Variants in RPRD2 observed in about 807,000 individuals in gnomAD.
RPRD2 encodes regulation of nuclear pre-mRNA domain containing 2, also known as regulation of nuclear pre-mRNA domain-containing protein 2.
RPRD2 carries 12 observed loss-of-function variants against 104.4 expected under a neutral mutation model. That is an observed-to-expected ratio of 0.11 (90% CI 0.07 to 0.19). The LOEUF is 0.19. RPRD2 is among the 10% of genes least tolerant of loss of function. The pLI is 1.00. For synonymous variants in RPRD2, 714 were observed against 684.9 expected, an observed-to-expected ratio of 1.04 and a Z score of -0.66; for missense variants, 1,543 against 1,790.1, an observed-to-expected ratio of 0.86 and a Z score of 2.49.
At chr1:150,449,178 T>C (rs73019017) in intron 7 of RPRD2, among the ~76,000 whole-genome samples, 7,216 of 152,280 alleles carry the variant, frequency 0.047, 433 homozygotes, top group African/African-American at 0.13. Flanking sequence ...CAACCCCGAA[T>C]TGGCTAATGG....
chr1:150,395,801 G>T (rs1212699171), intron 1 of RPRD2, among the ~76,000 whole-genome samples: 1 of 152,132 alleles, frequency 6.6e-6, no homozygotes, highest in Non-Finnish European at 1.5e-5. Context: ...GAGCCACCGC[G>T]TCCGGCCGCA....
At position 150,453,788 on chromosome 1, in the gene RPRD2, A is replaced by C. The variant is rs1667350471; in HGVS notation, c.871-3500A>C. ...CTGCTAATTTTTTATCGAATGCTGA[A>C]CATTAAAAGATTATGGAGTCTCTGG... On this transcript the variant is annotated intron_variant, in intron 7 of 10. Coordinates refer to ENST00000369068, the MANE Select transcript of RPRD2 (RefSeq NM_015203.5). Among the ~76,000 whole-genome samples, 4 of 152,194 alleles carry C rather than the reference A, an allele frequency of 2.6e-5. No individual in the cohort carries two copies. In the South Asian group the frequency reaches 8.3e-4, roughly 31 times the overall value.
Position 150,387,566 on chromosome 1 carries a change from C to CTTT in RPRD2, c.205+22647_205+22648insTTT, listed in dbSNP as rs1661661325. Among the ~76,000 whole-genome samples the CTTT allele has an allele frequency of 3.0e-4, 21 of 70,116 alleles. 1 individual carries two copies. The highest frequency in any genetic ancestry group is 4.1e-4 in the Non-Finnish European group (14 of 34,170). The allele number at this position is 70,116 out of a possible 152,430, so 46.0% of individuals were successfully genotyped here. On this transcript the variant is annotated intron_variant, in intron 1 of 10. Coordinates refer to ENST00000369068, the MANE Select transcript of RPRD2 (RefSeq NM_015203.5). ...TAAATCTTACAGAAGTTGCAACAGA[C>CTTT]CTTTTTTTTTTTTTTTTTTTTTTTT...
At chr1:150,432,015 G>A (rs1466457854) in intron 2 of RPRD2, among the ~76,000 whole-genome samples, 1 of 151,900 alleles carries the variant, frequency 6.6e-6, no homozygotes, top group Non-Finnish European at 1.5e-5. Context: ...ATAAAGTTTT[G>A]GAGTTTGGTT....
chr1:150,447,396 G>A (rs1210166109), intron 7 of RPRD2, among the ~76,000 whole-genome samples: 12 of 149,508 alleles, frequency 8.0e-5, no homozygotes, highest in African/African-American at 2.2e-4. Context: ...GTGTAATGGC[G>A]TGATCTCGGC....
In RPRD2 at chr1:150,472,874, C is replaced by A; in HGVS notation, c.3926C>A (p.Ala1309Asp). The A allele has an allele frequency of 6.2e-7, 1 of 1,612,968 alleles. No homozygotes were observed. Among genetic ancestry groups the A allele is most frequent in the Non-Finnish European group, 8.5e-7 (1 of 1,179,372 alleles). Residue 1309 changes from alanine to aspartate, a missense_variant, in exon 11 of 11, where the codon GCC becomes GAC. Coordinates refer to ENST00000369068, the MANE Select transcript of RPRD2 (RefSeq NM_015203.5). ...VDHSGVVPFP[A>D]PPLAEHGVAG... ...CACTCTGGAGTTGTACCCTTCCCAG[C>A]CCCACCACTGGCAGAGCACGGAGTG...
chr1:150,383,883 T>C (rs782747313), intron 1 of RPRD2, among the ~76,000 whole-genome samples: 23 of 152,110 alleles, frequency 1.5e-4, no homozygotes, highest in Non-Finnish European at 3.2e-4. Context: ...AACTGACAAA[T>C]GTGATAAGAT....
chr1:150,375,631 TAATA>T (rs1660628261), intron 1 of RPRD2, among the ~76,000 whole-genome samples: 1 of 152,212 alleles, frequency 6.6e-6, no homozygotes. Flanking sequence ...TTTCTTAAAC[TAATA>T]AATAATAGTT....
intron 1 of RPRD2, among the ~76,000 whole-genome samples, chr1:150,403,158 C>G (rs782782783): frequency 9.9e-5 from 15 of 152,184 alleles, no homozygotes; most frequent in Admixed American, 2.6e-4. Context: ...CCTTCACCTT[C>G]TTTCTCTACA....
At chr1:150,429,844 C>T (rs781986050) in intron 2 of RPRD2, among the ~76,000 whole-genome samples, 1 of 152,190 alleles carries the variant, frequency 6.6e-6, no homozygotes, top group Non-Finnish European at 1.5e-5. Context: ...AAAATAACTA[C>T]ATCCTTGACA....
chr1:150,448,146 A>G (rs1208860465), intron 7 of RPRD2, among the ~76,000 whole-genome samples: 3 of 152,066 alleles, frequency 2.0e-5, no homozygotes, highest in Non-Finnish European at 4.4e-5. Flanking sequence ...TCCAGCTTCA[A>G]TCAACTATAT....
At chr1:150,446,889 G>GCAGT (rs1228056909) in intron 7 of RPRD2, among the ~76,000 whole-genome samples, 38 of 142,710 alleles carry the variant, frequency 2.7e-4, no homozygotes, top group Admixed American at 2.0e-3. Flanking sequence ...AGGCTAGAGT[G>GCAGT]CAGTGGTGCA....
intron 1 of RPRD2, among the ~76,000 whole-genome samples, chr1:150,405,081 T>C (rs1553886224): frequency 6.6e-6 from 1 of 152,196 alleles, no homozygotes; most frequent in African/African-American, 2.4e-5. Flanking sequence ...AAATTGATGC[T>C]TGGAGTTTTT....
chr1:150,418,855 C>G (rs1477959072), intron 2 of RPRD2, among the ~76,000 whole-genome samples: 3 of 151,888 alleles, frequency 2.0e-5, no homozygotes, highest in African/African-American at 4.8e-5. Context: ...CTAAAAAATA[C>G]AAAAAAATTA....
chr1:150,402,660 T>C (rs1663132920), intron 1 of RPRD2, among the ~76,000 whole-genome samples: 1 of 151,516 alleles, frequency 6.6e-6, no homozygotes, highest in South Asian at 2.1e-4. Context: ...TAGGCAACAA[T>C]GTGGCAAATC....
chr1:150,410,131 G>A (rs1663792429), intron 1 of RPRD2, among the ~76,000 whole-genome samples: 1 of 152,096 alleles, frequency 6.6e-6, no homozygotes, highest in African/African-American at 2.4e-5. Context: ...TGTAAAGACA[G>A]CAAGGTGGCC....
intron 3 of RPRD2, 181 bp from the exon 4 acceptor site, chr1:150,441,700 T>C: frequency 2.1e-6 from 1 of 473,274 alleles, no homozygotes; most frequent in Non-Finnish European, 3.8e-6. Flanking sequence ...ATCGTGTTTA[T>C]TTGACAGCTT....
chr1:150,472,264 G>A lies in RPRD2; in HGVS notation c.3316G>A (p.Val1106Ile), dbSNP rs1202684003. The A allele has an allele frequency of 5.0e-6, 8 of 1,613,888 alleles. No homozygotes were observed. Among genetic ancestry groups the A allele is most frequent in the South Asian group, 1.1e-5 (1 of 91,068 alleles). Reference protein sequence around the residue: ...RRMSGEPIQTVESIRVPGKGN... With the variant: ...RRMSGEPIQTIESIRVPGKGN... ...GATGTCAGGGGAGCCGATCCAGACC[G>A]TAGAGTCCATCCGAGTTCCTGGGAA... The change falls in exon 11 of 11, where the codon GTA (valine) becomes ATA (isoleucine). Residue 1106 changes from valine to isoleucine, a missense_variant. This residue lies in a region of RPRD2 where 880 missense variants were observed against 885.6 expected (regional missense o/e 0.99). Transcript: ENST00000369068.
At position 150,459,593 on chromosome 1, in the gene RPRD2, CTT is replaced by C. The variant is rs138250082; in HGVS notation, c.1154-452_1154-451del. ...CAAGATAAATTCTGGAAATTGCTTGCTTTTTTTTTTTTTTTTGAGACGGGAGT... is the reference window on the plus strand; with the variant it reads ...CAAGATAAATTCTGGAAATTGCTTGCTTTTTTTTTTTTTTGAGACGGGAGT... On this transcript the variant is annotated intron_variant, in intron 8 of 10. Transcript: ENST00000369068. Among the ~76,000 whole-genome samples the C allele has an allele frequency of 3.1e-4, 43 of 137,770 alleles. No homozygotes were observed. In the South Asian group the frequency reaches 5.4e-3, roughly 17 times the overall value. 90.4% of individuals were successfully genotyped at this position (137,770 alleles called of 152,430 possible). A position where few individuals can be genotyped will look rare whatever the true frequency, so the allele number is the denominator to read the frequency against.
Sources: gnomAD v4.1 joint callset for allele counts (sites outside exome capture counted in the v4.1 genomes callset) on GRCh38, gnomAD v4.1.1 for gene constraint, gnomAD v4.1.1 regional missense constraint, MANE v1.5 for transcripts, NCBI Gene and HGNC (gene_info 2026-07-23, HGNC 2026-07-21) for gene names.